The following CTNNBIP1 variants were observed in gnomAD, a reference collection of about 807,000 sequenced individuals.
CTNNBIP1 encodes the protein beta-catenin-interacting protein 1.
In CTNNBIP1, 7 loss-of-function variants were observed where a neutral mutation model predicts 11.8. That is an observed-to-expected ratio of 0.60 (90% confidence interval 0.34 to 1.12). The LOEUF (loss-of-function observed/expected upper bound fraction) is 1.12, where lower values mean the gene tolerates loss of function less well. Ranked by LOEUF, CTNNBIP1 falls within the 50% of genes most tolerant of loss-of-function variation. The pLI, the probability that CTNNBIP1 is intolerant of heterozygous loss-of-function variation, is 0.03. For missense variants in CTNNBIP1, 101 were observed against 113.4 expected (o/e 0.89, Z 0.50); for synonymous variants, 58 against 43.9 (o/e 1.32, Z -1.26).
At chr1:9,907,413 C>T (rs1025206622) in intron 1 of CTNNBIP1, among the ~76,000 whole-genome samples, 5 of 152,104 alleles carry the variant, frequency 3.3e-5, no homozygotes, top group Non-Finnish European at 4.4e-5. Flanking sequence ...TCAGGTGATC[C>T]GCCCGCCTTG....
intron 5 of CTNNBIP1, among the ~76,000 whole-genome samples, chr1:9,852,569 G>A (rs904535033): frequency 6.6e-6 from 1 of 152,210 alleles, no homozygotes; most frequent in Non-Finnish European, 1.5e-5. Context: ...TATCACTGCA[G>A]GCAGAATTTT....
chr1:9,909,416 C>T (rs1410746316), intron 1 of CTNNBIP1, among the ~76,000 whole-genome samples: 1 of 152,182 alleles, frequency 6.6e-6, no homozygotes, highest in Non-Finnish European at 1.5e-5. Context: ...ACAAGTTCAG[C>T]TCACAAGGCA....
At chr1:9,884,594 G>A (rs1202402578) in intron 1 of CTNNBIP1, among the ~76,000 whole-genome samples, 1 of 152,242 alleles carries the variant, frequency 6.6e-6, no homozygotes, top group African/African-American at 2.4e-5. Context: ...CCCTGAGGAA[G>A]AGGAAGGTGC....
chr1:9,882,377 T>C (rs1156381912), intron 2 of CTNNBIP1, among the ~76,000 whole-genome samples: 1 of 152,190 alleles, frequency 6.6e-6, no homozygotes, highest in Non-Finnish European at 1.5e-5. Context: ...CCCAGATCAA[T>C]GATCTCAGAC....
intron 1 of CTNNBIP1, among the ~76,000 whole-genome samples, chr1:9,893,573 C>T (rs1639349743): frequency 6.6e-6 from 1 of 152,150 alleles, no homozygotes; most frequent in Non-Finnish European, 1.5e-5. Flanking sequence ...GTAAGCAGGA[C>T]CTGCCCTCCT....
chr1:9,886,324 G>T (rs1177275332), intron 1 of CTNNBIP1, among the ~76,000 whole-genome samples: 3 of 152,220 alleles, frequency 2.0e-5, no homozygotes, highest in African/African-American at 7.2e-5. Flanking sequence ...CATTGCAGAA[G>T]CTGAGAGGCA....
intron 2 of CTNNBIP1, among the ~76,000 whole-genome samples, chr1:9,881,114 C>T (rs1639071171): frequency 6.6e-6 from 1 of 152,072 alleles, no homozygotes; most frequent in Admixed American, 6.6e-5. Context: ...TGGCTCACTG[C>T]AGCCTTGAAC....
In CTNNBIP1 at chr1:9,867,424, C is replaced by G. The variant is rs890406880; in HGVS notation, c.187+3763G>C. Among the ~76,000 whole-genome samples, 5 of 152,172 alleles carry G rather than the reference C, an allele frequency of 3.3e-5. No homozygotes were observed. The highest frequency in any genetic ancestry group is 1.2e-4 in the African/African-American group (5 of 41,442). On this transcript the variant is annotated intron_variant, in intron 5 of 5. Transcript: ENST00000377263. This position sits in a 1 kb window ranked among gnomAD's most constrained non-coding sequence, Gnocchi z 4.6. ...GTAAAGGGGTGCCCACGGCCCCCTC[C>G]CTGGGCCTCAAGTAAGGGAGCAGTG...
At position 9,852,974 on chromosome 1, in the gene CTNNBIP1, C is replaced by T. The variant is rs191018844; in HGVS notation, c.188-2198G>A. ...CTGCCCAGTGTGTGTGCCTGTCCTGCGCTCTGAGGGTGGGAAGGAAGTAAT... is the reference window on the plus strand; with the variant it reads ...CTGCCCAGTGTGTGTGCCTGTCCTGTGCTCTGAGGGTGGGAAGGAAGTAAT... On this transcript the variant is annotated intron_variant, in intron 5 of 5. Transcript: ENST00000377263. 2.7e-3 allele frequency among the ~76,000 whole-genome samples: 404 copies of T among 152,298 alleles called. 1 individual carries two copies. The highest frequency in any genetic ancestry group is 8.5e-3 in the African/African-American group (353 of 41,560).
intron 1 of CTNNBIP1, among the ~76,000 whole-genome samples, chr1:9,892,802 A>C (rs1360566478): frequency 6.6e-6 from 1 of 152,122 alleles, no homozygotes; most frequent in Non-Finnish European, 1.5e-5. Context: ...TGCTCTACTA[A>C]GCAGGAGGCG....
intron 2 of CTNNBIP1, among the ~76,000 whole-genome samples, chr1:9,879,285 G>T (rs74987767): frequency 5.3e-5 from 8 of 152,142 alleles, no homozygotes; most frequent in African/African-American, 1.9e-4. Context: ...TGTAGTGGGG[G>T]AAAGGCTGCC....
At position 9,910,181 on chromosome 1, in the gene CTNNBIP1, G is replaced by C. The variant is rs1364063922; in HGVS notation, c.-230C>G. The C allele has an allele frequency of 5.4e-5, 8 of 147,186 alleles. No individual in the cohort carries two copies. The highest frequency in any genetic ancestry group is 1.1e-4 in the Non-Finnish European group (7 of 66,064). 9.1% of individuals were successfully genotyped at this position (147,186 alleles called of 1,614,324 possible). Reference sequence around the variant, plus strand: ...GCCTGTTCCGGGGCGTGCTCAGCCCGAGCAGCCGCTGCGGCGGCGGCAGTA... The same window carrying C: ...GCCTGTTCCGGGGCGTGCTCAGCCCCAGCAGCCGCTGCGGCGGCGGCAGTA... On this transcript the variant is annotated 5_prime_UTR_variant, in exon 1 of 6. Coordinates refer to ENST00000377263, the MANE Select transcript of CTNNBIP1 (RefSeq NM_020248.3).
intron 5 of CTNNBIP1, among the ~76,000 whole-genome samples, chr1:9,863,299 G>A (rs1248572600): frequency 6.6e-6 from 1 of 152,266 alleles, no homozygotes; most frequent in African/African-American, 2.4e-5. Flanking sequence ...TTGTTATTAG[G>A]TTACAGGTAA....
chr1:9,864,485 C>A lies in CTNNBIP1; in HGVS notation c.187+6702G>T, dbSNP rs146941895. Among the ~76,000 whole-genome samples the A allele has an allele frequency of 5.3e-5, 8 of 152,336 alleles. No individual in the cohort carries two copies. The Middle Eastern group carries it at 0.017, about 324-fold the overall frequency. On this transcript the variant is annotated intron_variant, in intron 5 of 5. Transcript: ENST00000377263. ...CCAGGACTACAGGCGCCCGCCACCACGCCCGGCTAATTTTTTGTATTTTTA... is the reference window on the plus strand; with the variant it reads ...CCAGGACTACAGGCGCCCGCCACCAAGCCCGGCTAATTTTTTGTATTTTTA...
Position 9,871,942 on chromosome 1 carries a change from G to T in CTNNBIP1, c.96+27C>A. 6.3e-7 allele frequency: 1 copy of T among 1,591,976 alleles called. No individual in the cohort carries two copies. ...CCTGGGAGACCCTCCCTGGGGGCCC[G>T]CTGCCTGACACCCCACAGGCACTCA... On this transcript the variant is annotated intron_variant, in intron 4 of 5. Transcript: ENST00000377263. The surrounding 1 kb of genome is among the most constrained non-coding windows in gnomAD (Gnocchi z 5.2).
intron 5 of CTNNBIP1, among the ~76,000 whole-genome samples, chr1:9,853,490 C>T (rs1293819837): frequency 6.6e-6 from 1 of 152,200 alleles, no homozygotes; most frequent in Non-Finnish European, 1.5e-5. Flanking sequence ...GTTTTAGAGC[C>T]AGGAGGGACC....
At position 9,872,031 on chromosome 1, in the gene CTNNBIP1, C is replaced by T; in HGVS notation, c.34G>A (p.Glu12Lys). Reference protein sequence around the residue: ...NREGAPGKSPEEMYIQQKVRV... With the variant: ...NREGAPGKSPKEMYIQQKVRV... ...ACCTTCTGCTGAATGTACATCTCCT[C>T]CGGACTCTTCCCGGGAGCTCCCTCG... Residue 12 changes from glutamate (E) to lysine (K), a missense_variant, in exon 4 of 6, where the codon GAG becomes AAG. By Grantham distance (56) the Glu-to-Lys change is moderately conservative (BLOSUM62 1). Coordinates refer to ENST00000377263, the MANE Select transcript of CTNNBIP1 (RefSeq NM_020248.3). This position sits in a 1 kb window ranked among gnomAD's most constrained non-coding sequence, Gnocchi z 4.0. The T allele has an allele frequency of 6.2e-7, 1 of 1,614,214 alleles. No individual in the cohort carries two copies. The highest frequency in any genetic ancestry group is 8.5e-7 in the Non-Finnish European group (1 of 1,180,008).
At chr1:9,902,803 T>C (rs1359694267) in intron 1 of CTNNBIP1, among the ~76,000 whole-genome samples, 2 of 152,104 alleles carry the variant, frequency 1.3e-5, no homozygotes. Flanking sequence ...TCTCACTCTA[T>C]TGCCCAGGCT....
Position 9,848,626 on chromosome 1 carries a change from G to GA in CTNNBIP1, c.*2091dup, listed in dbSNP as rs1420178450. ...CCAGACCTCCAGGCCCCTGAGCGGG[G>GA]AGAGTGCGTGTGTGTGCACATGTGT... is the stretch of plus-strand genomic sequence containing the variant. On this transcript the variant is annotated 3_prime_UTR_variant, in exon 6 of 6. Transcript: ENST00000377263. This position sits in a 1 kb window ranked among gnomAD's most constrained non-coding sequence, Gnocchi z 4.3. The GA allele has an allele frequency of 6.6e-6, 1 of 152,256 alleles. No individual in the cohort carries two copies. The highest frequency in any genetic ancestry group is 2.4e-5 in the African/African-American group (1 of 41,462). 9.4% of individuals were successfully genotyped at this position (152,256 alleles called of 1,614,324 possible). A position where few individuals can be genotyped will look rare whatever the true frequency, so the allele number is the denominator to read the frequency against.
Sources: gnomAD v4.1 joint callset for allele counts (sites outside exome capture counted in the v4.1 genomes callset) on GRCh38, gnomAD v4.1.1 for gene constraint, Gnocchi (gnomAD v3.1) non-coding constraint, MANE v1.5 for transcripts, NCBI Gene and HGNC (gene_info 2026-07-23, HGNC 2026-07-21) for gene names.